CASZ1: variants seen among roughly 807,000 people sequenced by gnomAD.
CASZ1 encodes the protein zinc finger protein castor homolog 1.
In CASZ1, 28 loss-of-function variants were observed where a neutral mutation model predicts 135.2. The observed-to-expected ratio is 0.21, with a 90% CI of 0.15 to 0.28. The LOEUF is 0.28. CASZ1 is among the 10% of genes least tolerant of loss of function. CASZ1 has a pLI of 1.00. For missense variants in CASZ1, 2,161 were observed against 2,453.3 expected (o/e 0.88, Z 2.52); for synonymous variants, 1,068 against 1,073.4 (o/e 0.99, Z 0.10).
intron 15 of CASZ1, 108 bp from the exon 16 acceptor site, chr1:10,648,247 G>T (rs560473137): frequency 1.3e-6 from 1 of 796,772 alleles, no homozygotes; most frequent in Non-Finnish European, 1.9e-6. Flanking sequence ...GTCCCTACTC[G>T]TCCCCATCAC....
intron 1 of CASZ1, among the ~76,000 whole-genome samples, chr1:10,766,598 G>A (rs1187302467): frequency 6.6e-6 from 1 of 152,120 alleles, no homozygotes; most frequent in Admixed American, 6.5e-5. Context: ...CCCGGGTAAC[G>A]AGCAGGTACT....
chr1:10,700,078 GAGAC>G lies in CASZ1; in HGVS notation c.-24+5410_-24+5413del, dbSNP rs1215875514. Among the ~76,000 whole-genome samples, 24 of 74,148 alleles carry G rather than the reference GAGAC, an allele frequency of 3.2e-4. No individual in the cohort carries two copies. Among genetic ancestry groups the G allele is most frequent in the African/African-American group, 1.4e-3 (24 of 17,178 alleles). 48.6% of individuals were successfully genotyped at this position (74,148 alleles called of 152,430 possible). Reference sequence around the variant, plus strand: ...AGAGACAGAGAGAGAAAGAGAGATAGAGACACACACACACACACACACACACACA... The same window carrying G: ...AGAGACAGAGAGAGAAAGAGAGATAGACACACACACACACACACACACACA... On this transcript the variant is annotated intron_variant, in intron 3 of 20. Transcript: ENST00000377022. This position sits in a 1 kb window ranked among gnomAD's most constrained non-coding sequence, Gnocchi z 4.2.
intron 4 of CASZ1, among the ~76,000 whole-genome samples, chr1:10,682,197 A>T (rs768688911): frequency 1.6e-3 from 244 of 152,270 alleles, no homozygotes; most frequent in Middle Eastern, 3.4e-3. Flanking sequence ...GTCCCAGACA[A>T]CTGGGACAGC....
chr1:10,662,453 C>T (rs1643076765), intron 5 of CASZ1, among the ~76,000 whole-genome samples: 3 of 151,896 alleles, frequency 2.0e-5, no homozygotes, highest in African/African-American at 7.3e-5. Flanking sequence ...CTCTCACCCG[C>T]ACATACGCAC....
intron 6 of CASZ1, 49 bp from the exon 7 acceptor site, chr1:10,658,625 C>T (rs368953552): frequency 1.6e-4 from 251 of 1,542,798 alleles, no homozygotes; most frequent in Non-Finnish European, 2.1e-4. Context: ...GGGGCAGCCT[C>T]GTGTTACAGG....
intron 18 of CASZ1, among the ~76,000 whole-genome samples, chr1:10,643,683 C>T (rs1455138883): frequency 1.3e-5 from 2 of 152,184 alleles, no homozygotes; most frequent in Admixed American, 6.5e-5. Flanking sequence ...CTGGGGAGCC[C>T]GGGGTGCTGT....
chr1:10,745,505 G>C lies in CASZ1; in HGVS notation c.-77+15196C>G, dbSNP rs566938089. Among the ~76,000 whole-genome samples the C allele has an allele frequency of 2.0e-5, 3 of 152,288 alleles. No homozygotes were observed. In the East Asian group the frequency reaches 5.8e-4, roughly 29 times the overall value. ...GGTGTGGGCAGGGCCGGCTTCCTGGGTGTGCAACCCATGCAGCCACACAGG... is the reference window on the plus strand; with the variant it reads ...GGTGTGGGCAGGGCCGGCTTCCTGGCTGTGCAACCCATGCAGCCACACAGG... On this transcript the variant is annotated intron_variant, in intron 2 of 20. Transcript: ENST00000377022.
rs368017959 is a variant in CASZ1, at chr1:10,670,130, C to T, written c.17-4559G>A. Among the ~76,000 whole-genome samples the T allele has an allele frequency of 1.4e-3, 211 of 152,264 alleles. 1 individual carries two copies. Among genetic ancestry groups the T allele is most frequent in the African/African-American group, 4.7e-3 (196 of 41,552 alleles). ...CCTGCCTTCCCACTGCCAGGCAGCT[C>T]GGGGGCCACTCTGGTAGCTGCCCTG... On this transcript the variant is annotated intron_variant, in intron 4 of 20. Transcript: ENST00000377022.
intron 2 of CASZ1, among the ~76,000 whole-genome samples, chr1:10,754,379 A>G (rs1640206791): frequency 6.6e-6 from 1 of 152,146 alleles, no homozygotes; most frequent in South Asian, 2.1e-4. Flanking sequence ...TACAATGACT[A>G]CCCACAGTGT....
rs1639475102 is a variant in CASZ1, at chr1:10,720,350, G to A, written c.-76-14806C>T. Among the ~76,000 whole-genome samples, 1 of 152,208 alleles carries A rather than the reference G, an allele frequency of 6.6e-6. No individual in the cohort carries two copies. ...TAAACACTTCTCTAACCAGGATATG[G>A]TAACTAGGAATCGTGCCTTTGGGGC... On this transcript the variant is annotated intron_variant, in intron 2 of 20. Transcript: ENST00000377022. This position sits in a 1 kb window ranked among gnomAD's most constrained non-coding sequence, Gnocchi z 5.7.
At position 10,643,260 on chromosome 1, in the gene CASZ1, C is replaced by T. The variant is rs1200124889; in HGVS notation, c.3920G>A (p.Cys1307Tyr). The T allele has an allele frequency of 6.2e-7, 1 of 1,613,178 alleles. No individual in the cohort carries two copies. Among genetic ancestry groups the T allele is most frequent in the Non-Finnish European group, 8.5e-7 (1 of 1,180,012 alleles). The change falls in exon 19 of 21, where the codon TGC (cysteine) becomes TAC (tyrosine). Residue 1307 changes from cysteine (C) to tyrosine (Y), a missense_variant. Cys to Tyr is a radical substitution (Grantham distance 194). Transcript: ENST00000377022. ...NSHFHCIREGCQFSFLLKHQM... is the reference protein window; with the variant it reads ...NSHFHCIREGYQFSFLLKHQM... ...GTGCTTGAGGAGGAAGGAGAACTGG[C>T]AGCCCTCCCGGATGCAGTGGAAGTG...
intron 2 of CASZ1, among the ~76,000 whole-genome samples, chr1:10,754,502 C>T (rs1384003482): frequency 6.6e-6 from 1 of 152,186 alleles, no homozygotes; most frequent in Non-Finnish European, 1.5e-5. Context: ...CCAGTGGGCT[C>T]CTCAAGCATC....
At position 10,794,191 on chromosome 1, in the gene CASZ1, GT is replaced by G. The variant is rs571097108; in HGVS notation, c.-234+2372del. On this transcript the variant is annotated intron_variant, in intron 1 of 20. Transcript: ENST00000377022. The surrounding 1 kb of genome is among the most constrained non-coding windows in gnomAD (Gnocchi z 5.6). ...TATGTGTATGCGTGTGTGTGTGTGT[GT>G]GTGTGTGCGCGCGCGCGCGCGTCGT... 0.014 allele frequency among the ~76,000 whole-genome samples: 2,098 copies of G among 152,034 alleles called. 59 individuals are homozygous for G. Among genetic ancestry groups the G allele is most frequent in the African/African-American group, 0.047 (1,950 of 41,414 alleles).
chr1:10,671,242 G>T (rs1243374228), intron 4 of CASZ1, among the ~76,000 whole-genome samples: 1 of 151,740 alleles, frequency 6.6e-6, no homozygotes, highest in African/African-American at 2.4e-5. Context: ...AACAGGAAGG[G>T]GAGAAAAAAG....
At chr1:10,672,272 C>T (rs1557492847) in intron 4 of CASZ1, among the ~76,000 whole-genome samples, 1 of 150,250 alleles carries the variant, frequency 6.7e-6, no homozygotes, top group African/African-American at 2.5e-5. Context: ...CTCAGCCGCC[C>T]GGCCGCCCAG....
Position 10,724,574 on chromosome 1 carries a change from A to T in CASZ1, c.-76-19030T>A, listed in dbSNP as rs561687826. Among the ~76,000 whole-genome samples the T allele has an allele frequency of 5.9e-5, 9 of 152,210 alleles. No individual in the cohort carries two copies. Among genetic ancestry groups the T allele is most frequent in the African/African-American group, 2.2e-4 (9 of 41,450 alleles). On this transcript the variant is annotated intron_variant, in intron 2 of 20. Transcript: ENST00000377022. The surrounding 1 kb of genome is among the most constrained non-coding windows in gnomAD (Gnocchi z 4.1). ...AGGCTTTGGAGCCCAGGAATCACCT[A>T]GCCCTCAGGGGTAGGGGCTCAGGGA...
chr1:10,793,912 G>T (rs191748896), intron 1 of CASZ1, among the ~76,000 whole-genome samples: 2 of 152,158 alleles, frequency 1.3e-5, no homozygotes, highest in African/African-American at 4.8e-5. Context: ...TGGCGCGGGC[G>T]GCCGGAGATT....
Position 10,755,811 on chromosome 1 carries a change from C to T in CASZ1, c.-77+4890G>A, listed in dbSNP as rs936334701. 1.3e-5 allele frequency among the ~76,000 whole-genome samples: 2 copies of T among 152,106 alleles called. No homozygotes were observed. Among genetic ancestry groups the T allele is most frequent in the Non-Finnish European group, 2.9e-5 (2 of 68,016 alleles). ...CTTGGGGTCTACCCATCCTCTGGAG[C>T]ACCACATCACGGTGGGAGGTGGGGA... On this transcript the variant is annotated intron_variant, in intron 2 of 20. Coordinates refer to ENST00000377022, the MANE Select transcript of CASZ1 (RefSeq NM_001079843.3). The surrounding 1 kb of genome is among the most constrained non-coding windows in gnomAD (Gnocchi z 4.3).
intron 1 of CASZ1, among the ~76,000 whole-genome samples, chr1:10,773,851 G>C (rs1291362202): frequency 6.6e-6 from 1 of 152,226 alleles, no homozygotes; most frequent in Non-Finnish European, 1.5e-5. Flanking sequence ...TCTGGGCTGG[G>C]GCTGATATGC....
Sources: gnomAD v4.1 joint callset for allele counts (sites outside exome capture counted in the v4.1 genomes callset) on GRCh38, gnomAD v4.1.1 for gene constraint, Gnocchi (gnomAD v3.1) non-coding constraint, MANE v1.5 for transcripts, NCBI Gene and HGNC (gene_info 2026-07-23, HGNC 2026-07-21) for gene names.